Variants in ZNF45 observed in about 807,000 individuals in gnomAD.
The protein encoded by ZNF45 is BRC1744.
Under a neutral mutation model 12.0 loss-of-function variants are expected in ZNF45, and 4 were observed. The observed-to-expected ratio is 0.33, with a 90% CI of 0.16 to 0.76. ZNF45 has a LOEUF of 0.76. ZNF45 is among the 30% of genes least tolerant of loss of function. The pLI, the probability that ZNF45 is intolerant of heterozygous loss-of-function variation, is 0.60. For missense variants in ZNF45, 700 were observed against 813.0 expected, an observed-to-expected ratio of 0.86 and a Z score of 1.69; for synonymous variants, 272 against 279.6, an observed-to-expected ratio of 0.97 and a Z score of 0.27.
intron 7 of ZNF45, among the ~76,000 whole-genome samples, chr19:43,921,478 T>C (rs530467227): frequency 1.3e-5 from 2 of 152,348 alleles, no homozygotes; most frequent in South Asian, 4.1e-4. Flanking sequence ...TGTGGAAATA[T>C]CTAATAATAT....
chr19:43,920,442 T>C (rs1043121898), intron 7 of ZNF45, among the ~76,000 whole-genome samples: 1 of 145,300 alleles, frequency 6.9e-6, no homozygotes, highest in Non-Finnish European at 1.5e-5. Flanking sequence ...TAGGGCACTG[T>C]AGGGCATTTT....
chr19:43,914,814 G>A lies in ZNF45; in HGVS notation c.622C>T (p.Gln208Ter), dbSNP rs1398934165. The A allele has an allele frequency of 1.2e-6, 2 of 1,613,002 alleles. No individual in the cohort carries two copies. Among genetic ancestry groups the A allele is most frequent in the South Asian group, 2.2e-5 (2 of 91,068 alleles). ...CTACTGTGGACTCTCTGATGGGCTT[G>A]AAGACTTGAAAACCGACGGAAGGCA... Reference protein sequence around the residue: ...DNAFRRFSSLQAHQRVHSRAK... With the variant: ...DNAFRRFSSL The change falls in exon 10 of 10, where the codon CAA (glutamine) becomes TAA (stop). Residue 208 changes from glutamine to a stop codon, truncating the protein, a stop_gained. Coordinates refer to ENST00000269973, the MANE Select transcript of ZNF45 (RefSeq NM_003425.4). LOFTEE classifies it low-confidence loss of function (END_TRUNC).
At chr19:43,919,529 C>T in intron 8 of ZNF45, 44 bp downstream of exon 8, 2 of 1,595,832 alleles carry the variant, frequency 1.3e-6, no homozygotes, top group South Asian at 1.1e-5. Context: ...GACAGAGAGA[C>T]AACAGAGGGA....
chr19:43,914,335 T>C lies in ZNF45; in HGVS notation c.1101A>G (p.Lys367=), dbSNP rs1257687079. ...GAAGGTGTGAACCCACACTGAAACC[T>C]TTCCCACACTCCTCACACTTATAGG... ...EKPYKCEECG[K]GFSVGSHLQA... The change falls in exon 10 of 10, where the codon AAA becomes AAG. Residue 367 remains lysine (K), a synonymous_variant. Transcript: ENST00000269973. 2 of 1,608,576 alleles carry C rather than the reference T, an allele frequency of 1.2e-6. No individual in the cohort carries two copies. Among genetic ancestry groups the C allele is most frequent in the South Asian group, 1.1e-5 (1 of 90,726 alleles).
chr19:43,915,706 G>A (rs1031066873), intron 9 of ZNF45, among the ~76,000 whole-genome samples: 16 of 152,250 alleles, frequency 1.1e-4, no homozygotes, highest in African/African-American at 3.6e-4. Context: ...TCTAGGTTGC[G>A]TGAGAATCTA....
At chr19:43,917,534 G>A (rs1972789818) in intron 9 of ZNF45, among the ~76,000 whole-genome samples, 1 of 152,066 alleles carries the variant, frequency 6.6e-6, no homozygotes, top group Non-Finnish European at 1.5e-5. Context: ...TGCCCAGGCT[G>A]GAGTGCAATG....
Position 43,935,185 on chromosome 19 carries a change from A to T in ZNF45, c.-1017T>A, listed in dbSNP as rs1974408844. On this transcript the variant is annotated 5_prime_UTR_variant, in exon 1 of 10. Coordinates refer to ENST00000269973, the MANE Select transcript of ZNF45 (RefSeq NM_003425.4). ...CGAGCCCTGCTGATCCTACGACCAA[A>T]CCATAAAAGTTAAAACAGGTCGCGG... 6.6e-6 allele frequency: 1 copy of T among 152,178 alleles called. No homozygotes were observed. Among genetic ancestry groups the T allele is most frequent in the Non-Finnish European group, 1.5e-5 (1 of 68,036 alleles). 9.4% of individuals were successfully genotyped at this position (152,178 alleles called of 1,614,324 possible).
chr19:43,933,619 A>G (rs935322878), intron 2 of ZNF45, among the ~76,000 whole-genome samples: 8 of 152,216 alleles, frequency 5.3e-5, no homozygotes, highest in Non-Finnish European at 1.0e-4. Flanking sequence ...ATAAGAGTTC[A>G]TTATATTTGG....
intron 2 of ZNF45, among the ~76,000 whole-genome samples, chr19:43,934,186 T>C (rs2147276814): frequency 6.6e-6 from 1 of 152,342 alleles, no homozygotes; most frequent in South Asian, 2.1e-4. Context: ...TTTCCTCATC[T>C]GTATAATTGG....
intron 3 of ZNF45, among the ~76,000 whole-genome samples, chr19:43,928,678 C>T (rs1190836055): frequency 6.6e-6 from 1 of 152,222 alleles, no homozygotes; most frequent in Non-Finnish European, 1.5e-5. Flanking sequence ...AATTTTTCTA[C>T]TAACCCCAAT....
intron 3 of ZNF45, among the ~76,000 whole-genome samples, chr19:43,925,939 A>G (rs1363247125): frequency 1.3e-5 from 2 of 151,660 alleles, no homozygotes; most frequent in Non-Finnish European, 2.9e-5. Context: ...AGCCTGAAAT[A>G]CTCTTTTAGA....
rs1457478894 is a variant in ZNF45 at position 43,934,958 on chromosome 19, G to C, written c.-790C>G. The C allele has an allele frequency of 6.6e-6, 1 of 152,282 alleles. No homozygotes were observed. The highest frequency in any genetic ancestry group is 1.5e-5 in the Non-Finnish European group (1 of 68,088). 9.4% of individuals were successfully genotyped at this position (152,282 alleles called of 1,614,324 possible). On this transcript the variant is annotated 5_prime_UTR_variant, in exon 1 of 10. Coordinates refer to ENST00000269973, the MANE Select transcript of ZNF45 (RefSeq NM_003425.4). ...CACCGCTAGGAAGCTACAGAGCTGT[G>C]GGAGGTGGGGGAAGGCGGGTCGGGC...
At chr19:43,919,488 T>C in intron 8 of ZNF45, 85 bp downstream of exon 8, 1 of 1,481,570 alleles carries the variant, frequency 6.7e-7, no homozygotes, top group East Asian at 2.4e-5. Flanking sequence ...TGAAAACCAG[T>C]TCAAGAGCTC....
At chr19:43,917,722 G>A (rs1218450356) in intron 9 of ZNF45, among the ~76,000 whole-genome samples, 1 of 152,150 alleles carries the variant, frequency 6.6e-6, no homozygotes, top group African/African-American at 2.4e-5. Context: ...CTGGTCTCAG[G>A]TGATCCACCC....
rs367554331 is a variant in ZNF45 at position 43,914,232 on chromosome 19, T to C, written c.1204A>G (p.Asn402Asp). 3.7e-6 allele frequency: 6 copies of C among 1,613,060 alleles called. No homozygotes were observed. Among genetic ancestry groups the C allele is most frequent in the South Asian group, 1.1e-5 (1 of 91,006 alleles). ...ECGKGFCRASNLLDHQRGHTG... is the reference protein window; with the variant it reads ...ECGKGFCRASDLLDHQRGHTG... ...TGGCCTCTTTGATGGTCCAGCAGAT[T>C]TGAGGCCCGGCAGAAGCCTTTCCCA... Residue 402 changes from asparagine to aspartate, a missense_variant, in exon 10 of 10, where the codon AAT (asparagine) becomes GAT (aspartate). Coordinates refer to ENST00000269973, the MANE Select transcript of ZNF45 (RefSeq NM_003425.4).
In ZNF45 at chr19:43,925,406, C is replaced by G. The variant is rs966339705; in HGVS notation, c.-347G>C. 3 of 152,124 alleles carry G rather than the reference C, an allele frequency of 2.0e-5. No individual in the cohort carries two copies. Among genetic ancestry groups the G allele is most frequent in the African/African-American group, 7.2e-5 (3 of 41,388 alleles). The allele number at this position is 152,124 out of a possible 1,614,324, so 9.4% of individuals were successfully genotyped here. A position where few individuals can be genotyped will look rare whatever the true frequency, so the allele number is the denominator to read the frequency against. Reference sequence around the variant, plus strand: ...TCCACTTGACCCTTCAGCAGAGAGCCTCTGCACAGTGAAAAATGGAGTTCT... The same window carrying G: ...TCCACTTGACCCTTCAGCAGAGAGCGTCTGCACAGTGAAAAATGGAGTTCT... On this transcript the variant is annotated 5_prime_UTR_variant, in exon 4 of 10. Transcript: ENST00000269973.
intron 3 of ZNF45, among the ~76,000 whole-genome samples, chr19:43,927,819 G>A (rs184141881): frequency 2.4e-4 from 36 of 152,166 alleles, no homozygotes; most frequent in African/African-American, 8.7e-4. Flanking sequence ...AATGCCCGTC[G>A]ATAGCAGTCT....
chr19:43,926,237 T>C (rs1313080933), intron 3 of ZNF45: 1 of 152,190 alleles, frequency 6.6e-6, no homozygotes, highest in Non-Finnish European at 1.5e-5. Context: ...CTGACTCCAG[T>C]TGGGAAGATT....
chr19:43,920,182 A>G (rs965445823), intron 7 of ZNF45, among the ~76,000 whole-genome samples: 1 of 152,098 alleles, frequency 6.6e-6, no homozygotes, highest in Non-Finnish European at 1.5e-5. Context: ...ATATTTTCGT[A>G]TATTTACTGG....
Sources: allele counts gnomAD v4.1 joint callset (sites outside exome capture counted in the v4.1 genomes callset), GRCh38; gene constraint gnomAD v4.1.1; transcripts MANE v1.5; gene names NCBI Gene and HGNC (gene_info 2026-07-23, HGNC 2026-07-21).